Variants in SH3PXD2A observed in about 807,000 individuals in gnomAD.
The protein encoded by SH3PXD2A is SH3 and PX domain-containing protein 2A.
Under a neutral mutation model 115.2 loss-of-function variants are expected in SH3PXD2A, and 32 were observed. That is an observed-to-expected ratio of 0.28 (90% confidence interval 0.21 to 0.37). The LOEUF is 0.37. Ranked by LOEUF, SH3PXD2A falls within the 10% of genes least tolerant of loss-of-function variation. The pLI is 1.00. For missense variants in SH3PXD2A, 1,328 were observed against 1,498.7 expected, an observed-to-expected ratio of 0.89 and a Z score of 1.88; for synonymous variants, 610 against 629.1, an observed-to-expected ratio of 0.97 and a Z score of 0.45.
At chr10:103,852,864 T>C (rs1359950284) in intron 1 of SH3PXD2A, among the ~76,000 whole-genome samples, 2 of 150,142 alleles carry the variant, frequency 1.3e-5, no homozygotes, top group Admixed American at 1.3e-4. Flanking sequence ...CAAACCCAAC[T>C]GGACTTAGGG....
At chr10:103,682,505 C>T (rs529392236) in intron 6 of SH3PXD2A, among the ~76,000 whole-genome samples, 4 of 152,170 alleles carry the variant, frequency 2.6e-5, no homozygotes, top group African/African-American at 4.8e-5. Context: ...TGCCTGTAAT[C>T]GCAGCACTTT....
intron 4 of SH3PXD2A, 48 bp downstream of exon 4, chr10:103,735,684 C>T (rs1379244327): frequency 4.3e-6 from 6 of 1,409,090 alleles, no homozygotes; most frequent in African/African-American, 1.4e-5. Flanking sequence ...CCCTCTCCTC[C>T]CTGAAGCCCT....
intron 2 of SH3PXD2A, among the ~76,000 whole-genome samples, chr10:103,767,735 C>A (rs1478585103): frequency 6.7e-6 from 1 of 149,478 alleles, no homozygotes; most frequent in Non-Finnish European, 1.5e-5. Flanking sequence ...ACCTTCCCAC[C>A]CTGAGGTCGC....
At chr10:103,854,383 G>A (rs1301136687) in intron 1 of SH3PXD2A, among the ~76,000 whole-genome samples, 1 of 152,176 alleles carries the variant, frequency 6.6e-6, no homozygotes, top group Non-Finnish European at 1.5e-5. Flanking sequence ...AGGTGTGAGG[G>A]ATGGGAAGAC....
At chr10:103,653,298 TG>T (rs1423335882) in intron 8 of SH3PXD2A, among the ~76,000 whole-genome samples, 1 of 152,174 alleles carries the variant, frequency 6.6e-6, no homozygotes, top group African/African-American at 2.4e-5. Context: ...ACAGGCCCCT[TG>T]GTGTTCAAAC....
intron 1 of SH3PXD2A, among the ~76,000 whole-genome samples, chr10:103,845,858 A>T (rs1589482435): frequency 6.6e-6 from 1 of 152,208 alleles, no homozygotes; most frequent in East Asian, 1.9e-4. Context: ...TAGGTTCTCC[A>T]TCAGGGACCA....
rs1347806033 is a variant in SH3PXD2A, at chr10:103,664,094, G to A, written c.473-2980C>T. On this transcript the variant is annotated intron_variant, in intron 7 of 14. Transcript: ENST00000369774. ...ACTACCTCCCACTGTGCCCCTAGGGGAACAGCAGTGCCTGTTCCATGCCTG... is the reference window on the plus strand; with the variant it reads ...ACTACCTCCCACTGTGCCCCTAGGGAAACAGCAGTGCCTGTTCCATGCCTG... 2.0e-5 allele frequency among the ~76,000 whole-genome samples: 3 copies of A among 152,202 alleles called. No homozygotes were observed. The East Asian group carries it at 5.8e-4, about 29-fold the overall frequency.
chr10:103,672,978 GGGACCCAAA>G (rs1343859505), intron 6 of SH3PXD2A, among the ~76,000 whole-genome samples: 2 of 152,188 alleles, frequency 1.3e-5, no homozygotes, highest in Admixed American at 6.5e-5. Flanking sequence ...GCCAAATACA[GGGACCCAAA>G]GGTACTTAGA....
chr10:103,802,812 G>A lies in SH3PXD2A; in HGVS notation c.73-1450C>T, dbSNP rs972634931. ...GTGCCCTTTAGGATCACCTGGGGCC[G>A]GGGGCAGGCTTCATAAAAATTCAGA... On this transcript the variant is annotated intron_variant, in intron 1 of 14. Transcript: ENST00000369774. 5.3e-5 allele frequency among the ~76,000 whole-genome samples: 8 copies of A among 152,186 alleles called. No individual in the cohort carries two copies. In the East Asian group the frequency reaches 9.6e-4, roughly 18 times the overall value.
At chr10:103,742,916 G>C (rs142708882) in intron 3 of SH3PXD2A, among the ~76,000 whole-genome samples, 3 of 151,052 alleles carry the variant, frequency 2.0e-5, no homozygotes, top group Non-Finnish European at 4.4e-5. Flanking sequence ...CTGGAGGAAA[G>C]AAGATGTGAG....
intron 4 of SH3PXD2A, among the ~76,000 whole-genome samples, chr10:103,731,801 C>A (rs1261568870): frequency 1.3e-5 from 2 of 152,176 alleles, no homozygotes; most frequent in African/African-American, 4.8e-5. Flanking sequence ...CACTGCCATG[C>A]AATAGCCTCA....
chr10:103,823,182 T>C (rs1205707332), intron 1 of SH3PXD2A, among the ~76,000 whole-genome samples: 4 of 152,218 alleles, frequency 2.6e-5, no homozygotes, highest in Admixed American at 6.5e-5. Flanking sequence ...ATCCTCAGAA[T>C]AAATACTTTG....
chr10:103,615,488 GTGTGTGTGT>G (rs2133936260), intron 11 of SH3PXD2A, among the ~76,000 whole-genome samples: 1 of 46,920 alleles, frequency 2.1e-5, no homozygotes, highest in East Asian at 5.0e-4. Flanking sequence ...GCGAGGGTGT[GTGTGTGTGT>G]GTGTGTGTGT....
intron 2 of SH3PXD2A, among the ~76,000 whole-genome samples, chr10:103,792,001 C>G (rs1225801083): frequency 2.0e-5 from 3 of 152,088 alleles, no homozygotes. Context: ...TCAGGAGAGG[C>G]AGGAGGAAGC....
intron 1 of SH3PXD2A, among the ~76,000 whole-genome samples, chr10:103,812,064 A>G (rs185768559): frequency 6.6e-6 from 1 of 152,336 alleles, no homozygotes; most frequent in African/African-American, 2.4e-5. Context: ...GCCTGGCAAG[A>G]GCCCACTTTG....
chr10:103,725,308 G>A (rs769099311), intron 4 of SH3PXD2A, among the ~76,000 whole-genome samples: 1 of 152,198 alleles, frequency 6.6e-6, no homozygotes, highest in Non-Finnish European at 1.5e-5. Flanking sequence ...AGGCCAAGCT[G>A]AGGATGCCTG....
chr10:103,602,569 C>T lies in SH3PXD2A; in HGVS notation c.2649G>A (p.Gly883=). 2 of 1,614,182 alleles carry T rather than the reference C, an allele frequency of 1.2e-6. No individual in the cohort carries two copies. The highest frequency in any genetic ancestry group is 2.2e-5 in the South Asian group (2 of 91,086). The change falls in exon 15 of 15, where the codon GGG becomes GGA. Residue 883 remains glycine, a synonymous_variant. Coordinates refer to ENST00000369774, the MANE Select transcript of SH3PXD2A (RefSeq NM_001394015.1). ...GGGAAGGGGCCCAGCCCTCCAGCTC[C>T]CCAAACCTCACATACCACCACCCGC... The part of the protein sequence containing the change: ...QESGWWYVRF[G]ELEGWAPSHY...
chr10:103,644,044 C>CATGGAGCT (rs1211026307), intron 8 of SH3PXD2A, among the ~76,000 whole-genome samples: 1 of 142,692 alleles, frequency 7.0e-6, no homozygotes, highest in Non-Finnish European at 1.5e-5. Context: ...GAACCACGGA[C>CATGGAGCT]ATGGAGCTTG....
At chr10:103,707,054 C>T (rs915007207) in intron 5 of SH3PXD2A, among the ~76,000 whole-genome samples, 1 of 152,214 alleles carries the variant, frequency 6.6e-6, no homozygotes, top group Non-Finnish European at 1.5e-5. Context: ...GTGTGTCTCT[C>T]TCCTCTGGCA....
Sources: gnomAD v4.1 joint callset for allele counts (sites outside exome capture counted in the v4.1 genomes callset) on GRCh38, gnomAD v4.1.1 for gene constraint, MANE v1.5 for transcripts, NCBI Gene and HGNC (gene_info 2026-07-23, HGNC 2026-07-21) for gene names.